Variants in MLKL observed in about 807,000 individuals in gnomAD.
The protein encoded by MLKL is mixed lineage kinase domain like pseudokinase, also known as mixed lineage kinase domain-like protein.
Under a neutral mutation model 56.5 loss-of-function variants are expected in MLKL, and 55 were observed. The ratio of observed to expected loss-of-function variants is 0.97; its 90% confidence interval spans 0.78 to 1.22. MLKL has a LOEUF of 1.22. Ranked by LOEUF, MLKL falls within the 50% of genes most tolerant of loss-of-function variation. The pLI is 0.00. For missense variants in MLKL, 694 were observed against 573.9 expected, an observed-to-expected ratio of 1.21 and a Z score of -2.14; for synonymous variants, 251 against 208.3, an observed-to-expected ratio of 1.20 and a Z score of -1.76.
chr16:74,672,915 G>A (rs978151283), intron 10 of MLKL, among the ~76,000 whole-genome samples: 2 of 152,210 alleles, frequency 1.3e-5, no homozygotes, highest in African/African-American at 4.8e-5. Context: ...CCACCCCAAA[G>A]ACCAATTTTT....
At chr16:74,698,614 GA>G (rs1323651812) in intron 1 of MLKL, among the ~76,000 whole-genome samples, 6 of 152,196 alleles carry the variant, frequency 3.9e-5, no homozygotes, top group Non-Finnish European at 7.3e-5. Context: ...TGTTGCACCA[GA>G]AACAGAAGCA....
chr16:74,687,693 G>T lies in MLKL; in HGVS notation c.723-2110C>A, dbSNP rs1490694722. On this transcript the variant is annotated intron_variant, in intron 4 of 10. Coordinates refer to ENST00000308807, the MANE Select transcript of MLKL (RefSeq NM_152649.4). ...TTGATTTTTCACAGTTTTTTTTTTTGGAACTTGCTCTGTCACCCAGGCTGG... is the reference window on the plus strand; with the variant it reads ...TTGATTTTTCACAGTTTTTTTTTTTTGAACTTGCTCTGTCACCCAGGCTGG... Among the ~76,000 whole-genome samples the T allele has an allele frequency of 1.1e-4, 17 of 149,668 alleles. 1 individual carries two copies. Among genetic ancestry groups the T allele is most frequent in the Admixed American group, 1.3e-4 (2 of 15,092 alleles).
Position 74,686,595 on chromosome 16 carries a change from A to C in MLKL, c.723-1012T>G, listed in dbSNP as rs192876099. ...GAGACTACGTCTCCACACACACACA[A>C]AAAAAGATATTTATTAAGTGAAATC... On this transcript the variant is annotated intron_variant, in intron 4 of 10. Transcript: ENST00000308807. Among the ~76,000 whole-genome samples, 22 of 152,314 alleles carry C rather than the reference A, an allele frequency of 1.4e-4. No individual in the cohort carries two copies. In the South Asian group the frequency reaches 1.7e-3, roughly 11 times the overall value.
Position 74,674,156 on chromosome 16 carries a change from CT to C in MLKL, c.1381+803del, listed in dbSNP as rs11408099. Among the ~76,000 whole-genome samples the C allele has an allele frequency of 1.1e-3, 158 of 138,476 alleles. 1 individual carries two copies. The highest frequency in any genetic ancestry group is 3.8e-3 in the Middle Eastern group (1 of 262). The allele number at this position is 138,476 out of a possible 152,430, so 90.8% of individuals were successfully genotyped here. Reference sequence around the variant, plus strand: ...GCGTTGTAGGATGTTGAATAGCATTCTTTTTTTTTTTTTTTTGAGATGGAGT... The same window carrying C: ...GCGTTGTAGGATGTTGAATAGCATTCTTTTTTTTTTTTTTTGAGATGGAGT... On this transcript the variant is annotated intron_variant, in intron 10 of 10. Transcript: ENST00000308807.
chr16:74,682,897 C>A, intron 5 of MLKL, 111 bp from the exon 6 acceptor site: 3 of 1,263,942 alleles, frequency 2.4e-6, no homozygotes, highest in Non-Finnish European at 3.3e-6. Flanking sequence ...TCTGCTGAGT[C>A]CCATTTCTCC....
rs62051061 is a variant in MLKL at position 74,687,974 on chromosome 16, C to T, written c.723-2391G>A. Among the ~76,000 whole-genome samples the T allele has an allele frequency of 9.9e-5, 15 of 151,804 alleles. 1 individual carries two copies. Among genetic ancestry groups the T allele is most frequent in the East Asian group, 5.8e-4 (3 of 5,134 alleles). The stretch of plus-strand genomic sequence containing the variant: ...CTGAGTAGCTGGGACTACAGGTGCC[C>T]GCCACCACACCTGGCTAATTTTTTG... On this transcript the variant is annotated intron_variant, in intron 4 of 10. Coordinates refer to ENST00000308807, the MANE Select transcript of MLKL (RefSeq NM_152649.4).
At position 74,692,360 on chromosome 16, in the gene MLKL, T is replaced by C; in HGVS notation, c.517A>G (p.Lys173Glu). The C allele has an allele frequency of 1.2e-6, 2 of 1,613,714 alleles. No individual in the cohort carries two copies. Among genetic ancestry groups the C allele is most frequent in the South Asian group, 1.1e-5 (1 of 90,844 alleles). The change falls in exon 3 of 11, where the codon AAG becomes GAG. Residue 173 changes from lysine to glutamate, a missense_variant. By Grantham distance (56) the Lys-to-Glu change is moderately conservative. Transcript: ENST00000308807. ...AACTTACACTGCCTCAAAGTTTCCT[T>C]GATTTCTTTCATGTTGATTTCTAAT... is the stretch of plus-strand genomic sequence containing the variant. The part of the protein sequence containing the change: ...RRLEINMKEI[K>E]ETLRQYLPPK...
intron 1 of MLKL, among the ~76,000 whole-genome samples, chr16:74,698,013 G>C (rs1362328193): frequency 6.6e-6 from 1 of 152,084 alleles, no homozygotes; most frequent in African/African-American, 2.4e-5. Context: ...AGACCAGCCT[G>C]GGCAACATGG....
At chr16:74,680,890 G>T (rs115882011) in intron 6 of MLKL, among the ~76,000 whole-genome samples, 1,900 of 152,254 alleles carry the variant, frequency 0.012, 42 homozygotes, top group African/African-American at 0.044. Context: ...AGAGCTTCTG[G>T]CAGGCAGCCT....
chr16:74,672,478 G>A lies in MLKL; in HGVS notation c.*26C>T. The stretch of plus-strand genomic sequence containing the variant: ...TGCCTCTCCCAGCTTCTTGTCCAGA[G>A]ACTCCTTGGTTTAGATTTTGATACA... On this transcript the variant is annotated 3_prime_UTR_variant, in exon 11 of 11. Coordinates refer to ENST00000308807, the MANE Select transcript of MLKL (RefSeq NM_152649.4). 6.2e-7 allele frequency: 1 copy of A among 1,607,948 alleles called. No individual in the cohort carries two copies. Among genetic ancestry groups the A allele is most frequent in the East Asian group, 2.2e-5 (1 of 44,856 alleles).
chr16:74,685,488 G>A lies in MLKL; in HGVS notation c.818C>T (p.Thr273Ile). The change falls in exon 5 of 11, where the codon ACA becomes ATA. Residue 273 changes from threonine (T) to isoleucine (I), a missense_variant and splice_region_variant. Thr to Ile is a moderately conservative substitution (Grantham distance 89, BLOSUM62 -1). Coordinates refer to ENST00000308807, the MANE Select transcript of MLKL (RefSeq NM_152649.4). Reference sequence around the variant, plus strand: ...CCAATCCTAGAAGCATTCCTTACCTGTTTCATCAATGCAAATCCCAAATAT... The same window carrying A: ...CCAATCCTAGAAGCATTCCTTACCTATTTCATCAATGCAAATCCCAAATAT... ...LRIFGICIDE[T>I]VTPPQFSIVM... 6.2e-7 allele frequency: 1 copy of A among 1,612,364 alleles called. No individual in the cohort carries two copies. The highest frequency in any genetic ancestry group is 8.5e-7 in the Non-Finnish European group (1 of 1,178,472).
intron 5 of MLKL, 66 bp from the exon 6 acceptor site, chr16:74,682,852 A>C (rs1259149973): frequency 2.2e-5 from 35 of 1,574,456 alleles, no homozygotes; most frequent in Non-Finnish European, 2.9e-5. Context: ...TCTGCAGCCC[A>C]CCTCTCCCAG....
At chr16:74,695,026 C>A (rs1012986015) in intron 2 of MLKL, among the ~76,000 whole-genome samples, 1 of 152,174 alleles carries the variant, frequency 6.6e-6, no homozygotes, top group African/African-American at 2.4e-5. Context: ...GCGCCCGCCA[C>A]CATGCCCGGC....
Position 74,685,522 on chromosome 16 carries a change from T to C in MLKL, c.784A>G (p.Ile262Val). 7.4e-6 allele frequency: 12 copies of C among 1,613,930 alleles called. No homozygotes were observed. The highest frequency in any genetic ancestry group is 1.0e-5 in the Non-Finnish European group (12 of 1,179,848). The stretch of plus-strand genomic sequence containing the variant: ...ATGCAAATCCCAAATATACGCAGGA[T>C]GTTGGGAGATTCGAATTTCTTCATG... ...KTMKKFESPNILRIFGICIDE... is the reference protein window; with the variant it reads ...KTMKKFESPNVLRIFGICIDE... Residue 262 changes from isoleucine (I) to valine (V), a missense_variant, in exon 5 of 11, where the codon ATC becomes GTC. Coordinates refer to ENST00000308807, the MANE Select transcript of MLKL (RefSeq NM_152649.4).
rs1395752000 is a variant in MLKL at position 74,695,537 on chromosome 16, C to T, written c.221G>A (p.Gly74Glu). The T allele has an allele frequency of 1.9e-6, 3 of 1,614,192 alleles. No individual in the cohort carries two copies. The highest frequency in any genetic ancestry group is 8.5e-7 in the Non-Finnish European group (1 of 1,180,046). Residue 74 changes from glycine (G) to glutamate (E), a missense_variant, in exon 2 of 11, where the codon GGG becomes GAG. Gly to Glu is a moderately conservative substitution (Grantham distance 98). Transcript: ENST00000308807. ...TCTATTGCTGAACTTTTCTATCTCC[C>T]CATTAGCCTCCTCCAGGGCAGCCTT... ...RFKAALEEAN[G>E]EIEKFSNRSN...
In MLKL at chr16:74,685,517, C is replaced by T; in HGVS notation, c.789G>A (p.Leu263=). 1 of 1,614,086 alleles carries T rather than the reference C, an allele frequency of 6.2e-7. No individual in the cohort carries two copies. Among genetic ancestry groups the T allele is most frequent in the Non-Finnish European group, 8.5e-7 (1 of 1,179,980 alleles). The change falls in exon 5 of 11, where the codon CTG becomes CTA. Residue 263 remains leucine, a synonymous_variant. Coordinates refer to ENST00000308807, the MANE Select transcript of MLKL (RefSeq NM_152649.4). The part of the protein sequence containing the change: ...TMKKFESPNI[L]RIFGICIDET... ...CATCAATGCAAATCCCAAATATACG[C>T]AGGATGTTGGGAGATTCGAATTTCT...
intron 6 of MLKL, among the ~76,000 whole-genome samples, chr16:74,682,040 G>T (rs1960008773): frequency 6.6e-6 from 1 of 151,906 alleles, no homozygotes; most frequent in Non-Finnish European, 1.5e-5. Flanking sequence ...GAGCCCAGTA[G>T]TTCGAGACCA....
intron 5 of MLKL, among the ~76,000 whole-genome samples, chr16:74,683,067 T>C (rs773296942): frequency 6.6e-6 from 1 of 152,150 alleles, no homozygotes; most frequent in Non-Finnish European, 1.5e-5. Context: ...TCCCAGCACT[T>C]TGGGAGACCA....
At chr16:74,675,456 T>C in intron 8 of MLKL, 52 bp from the exon 9 acceptor site, 1 of 1,598,486 alleles carries the variant, frequency 6.3e-7, no homozygotes, top group Non-Finnish European at 8.5e-7. Flanking sequence ...CCCTTTCCCC[T>C]GTCCCTCTAG....
Sources: gnomAD v4.1 joint callset for allele counts (sites outside exome capture counted in the v4.1 genomes callset) on GRCh38, gnomAD v4.1.1 for gene constraint, MANE v1.5 for transcripts, NCBI Gene and HGNC (gene_info 2026-07-23, HGNC 2026-07-21) for gene names.